Variants in SPATA17 observed in about 807,000 individuals in gnomAD.
The protein encoded by SPATA17 is spermatogenesis-associated protein 17.
In SPATA17, 53 loss-of-function variants were observed where a neutral mutation model predicts 62.2. The ratio of observed to expected loss-of-function variants is 0.85; its 90% CI spans 0.68 to 1.07. The LOEUF (loss-of-function observed/expected upper bound fraction) is 1.07, where lower values mean the gene tolerates loss of function less well. SPATA17 is among the 50% of genes least tolerant of loss of function. SPATA17 has a pLI of 0.00. For missense variants in SPATA17, 466 were observed against 425.5 expected (o/e 1.10, Z -0.84); for synonymous variants, 146 against 146.8 (o/e 0.99, Z 0.04).
intron 5 of SPATA17, among the ~76,000 whole-genome samples, chr1:217,724,672 A>G (rs1672221034): frequency 6.6e-6 from 1 of 152,318 alleles, no homozygotes; most frequent in Non-Finnish European, 1.5e-5. Context: ...AACAGTGCAC[A>G]AAAATTCCTG....
rs778168154 is a variant in SPATA17 at position 217,742,009 on chromosome 1, A to T, written c.430A>T (p.Arg144Ter). 6.2e-7 allele frequency: 1 copy of T among 1,614,066 alleles called. No homozygotes were observed. The highest frequency in any genetic ancestry group is 1.7e-5 in the Admixed American group (1 of 60,024). ...ALEEFAEMKE[R>*]EEKKANLERE... ...GGAGGAGTTTGCAGAAATGAAAGAA[A>T]GAGAAGAGAAGAAGGCTAACCTCGA... Residue 144 changes from arginine (R) to a stop codon, truncating the protein, a stop_gained, in exon 6 of 11, where the codon AGA becomes TGA. Coordinates refer to ENST00000366933, the MANE Select transcript of SPATA17 (RefSeq NM_138796.4). LOFTEE classifies it high-confidence loss of function.
chr1:217,702,057 T>C (rs1167801892), intron 5 of SPATA17, among the ~76,000 whole-genome samples: 1 of 150,372 alleles, frequency 6.7e-6, no homozygotes, highest in African/African-American at 2.5e-5. Flanking sequence ...TATATGCAGA[T>C]AATGTTTTCT....
intron 6 of SPATA17, among the ~76,000 whole-genome samples, chr1:217,771,181 T>C (rs1673435836): frequency 6.6e-6 from 1 of 151,502 alleles, no homozygotes; most frequent in African/African-American, 2.4e-5. Context: ...TTGAGTTGAA[T>C]GTTAGCATGA....
intron 5 of SPATA17, among the ~76,000 whole-genome samples, chr1:217,687,709 T>C (rs1249679710): frequency 6.6e-6 from 1 of 152,210 alleles, no homozygotes; most frequent in African/African-American, 2.4e-5. Flanking sequence ...GTATGCACGA[T>C]GATGAAATTG....
At chr1:217,737,141 C>T (rs1451196273) in intron 5 of SPATA17, among the ~76,000 whole-genome samples, 1 of 152,174 alleles carries the variant, frequency 6.6e-6, no homozygotes, top group Non-Finnish European at 1.5e-5. Context: ...CAAATTCTAA[C>T]TCTGTCACTT....
chr1:217,735,396 G>A (rs956206509), intron 5 of SPATA17, among the ~76,000 whole-genome samples: 1 of 152,074 alleles, frequency 6.6e-6, no homozygotes, highest in Non-Finnish European at 1.5e-5. Flanking sequence ...AAATCCCATG[G>A]CACTAATCCC....
At chr1:217,772,162 C>T (rs539763317) in intron 6 of SPATA17, among the ~76,000 whole-genome samples, 13 of 151,870 alleles carry the variant, frequency 8.6e-5, no homozygotes, top group Non-Finnish European at 1.3e-4. Flanking sequence ...CTTAGAAAAT[C>T]ACCCTAGAAA....
intron 5 of SPATA17, among the ~76,000 whole-genome samples, chr1:217,725,100 A>T (rs965962996): frequency 1.3e-5 from 2 of 152,188 alleles, no homozygotes; most frequent in Non-Finnish European, 2.9e-5. Flanking sequence ...TGTCACACTG[A>T]ATATTGAATC....
chr1:217,786,747 C>CT (rs1412929259), intron 8 of SPATA17, among the ~76,000 whole-genome samples: 1 of 149,052 alleles, frequency 6.7e-6, no homozygotes, highest in Non-Finnish European at 1.5e-5. Flanking sequence ...ATTTGATATT[C>CT]TCTTTCTTCT....
chr1:217,844,337 A>T (rs1675477385), intron 9 of SPATA17, among the ~76,000 whole-genome samples: 1 of 152,134 alleles, frequency 6.6e-6, no homozygotes, highest in African/African-American at 2.4e-5. Context: ...AAGATGTTAC[A>T]GGATTGCCAG....
intron 5 of SPATA17, among the ~76,000 whole-genome samples, chr1:217,691,097 G>T (rs1378172118): frequency 2.1e-5 from 3 of 145,054 alleles, no homozygotes; most frequent in Non-Finnish European, 4.6e-5. Flanking sequence ...CTAGTTTACA[G>T]TCCCACCAAC....
chr1:217,860,538 T>G (rs1435447073), intron 9 of SPATA17, among the ~76,000 whole-genome samples: 1 of 152,208 alleles, frequency 6.6e-6, no homozygotes, highest in African/African-American at 2.4e-5. Flanking sequence ...GTTCTATCAA[T>G]TTTTGCCTCA....
chr1:217,804,572 C>A (rs1230858494), intron 9 of SPATA17, among the ~76,000 whole-genome samples: 1 of 151,836 alleles, frequency 6.6e-6, no homozygotes, highest in East Asian at 1.9e-4. Flanking sequence ...CTTTGCACAG[C>A]AAAGGAAATG....
rs34981943 is a variant in SPATA17 at position 217,811,695 on chromosome 1, GAA to G, written c.1005+9859_1005+9860del. On this transcript the variant is annotated intron_variant, in intron 9 of 10. Transcript: ENST00000366933. ...GCAACAGAGTGAGACTCCACCTCGA[GAA>G]AAAAAAAAAAAAACTATGTCTCTGT... Among the ~76,000 whole-genome samples, 105 of 127,504 alleles carry G rather than the reference GAA, an allele frequency of 8.2e-4. 1 individual carries two copies. Among genetic ancestry groups the G allele is most frequent in the Non-Finnish European group, 1.3e-3 (80 of 62,180 alleles). 83.6% of individuals were successfully genotyped at this position (127,504 alleles called of 152,430 possible).
chr1:217,735,575 G>T (rs142956080), intron 5 of SPATA17, among the ~76,000 whole-genome samples: 3 of 152,152 alleles, frequency 2.0e-5, no homozygotes, highest in Non-Finnish European at 4.4e-5. Flanking sequence ...AGTCATGCAT[G>T]CATACCTACA....
chr1:217,675,507 T>G (rs1670926921), intron 4 of SPATA17, among the ~76,000 whole-genome samples: 1 of 152,264 alleles, frequency 6.6e-6, no homozygotes, highest in Admixed American at 6.5e-5. Flanking sequence ...CAATTGTAGG[T>G]AAATTATTGT....
At position 217,799,539 on chromosome 1, in the gene SPATA17, C is replaced by T. The variant is rs1241231235; in HGVS notation, c.873-2179C>T. Among the ~76,000 whole-genome samples the T allele has an allele frequency of 2.0e-5, 3 of 152,240 alleles. No homozygotes were observed. The East Asian group carries it at 5.8e-4, about 29-fold the overall frequency. ...TATATGAGAGCTCTTTTCCCAAGAG[C>T]ATACGTAATACATGCTTCTGTAACT... On this transcript the variant is annotated intron_variant, in intron 8 of 10. Transcript: ENST00000366933.
chr1:217,787,829 A>C (rs2102980380), intron 8 of SPATA17, among the ~76,000 whole-genome samples: 1 of 152,258 alleles, frequency 6.6e-6, no homozygotes, highest in Non-Finnish European at 1.5e-5. Context: ...GTGCAATTAT[A>C]TGTATATTTA....
At chr1:217,772,013 G>C (rs2102970529) in intron 6 of SPATA17, among the ~76,000 whole-genome samples, 1 of 152,192 alleles carries the variant, frequency 6.6e-6, no homozygotes, top group South Asian at 2.1e-4. Context: ...ACAGACTTCA[G>C]TTTATTAGAT....
Sources: gnomAD v4.1 joint callset for allele counts (sites outside exome capture counted in the v4.1 genomes callset) on GRCh38, gnomAD v4.1.1 for gene constraint, MANE v1.5 for transcripts, NCBI Gene and HGNC (gene_info 2026-07-23, HGNC 2026-07-21) for gene names.